The following LRRC37A3 variants were observed in gnomAD, a reference collection of about 807,000 sequenced individuals.
The protein encoded by LRRC37A3 is leucine-rich repeat-containing protein 37A3.
A neutral mutation model predicts 106.2 loss-of-function variants in LRRC37A3; 25 were observed. That is an observed-to-expected ratio of 0.24 (90% confidence interval 0.17 to 0.33). The LOEUF (loss-of-function observed/expected upper bound fraction) is 0.33. Ranked by LOEUF, LRRC37A3 falls within the 10% of genes least tolerant of loss-of-function variation. LRRC37A3 has a pLI of 1.00. For missense variants in LRRC37A3, 712 were observed against 1,644.9 expected, an observed-to-expected ratio of 0.43 and a Z score of 9.81; for synonymous variants, 305 against 635.8, an observed-to-expected ratio of 0.48 and a Z score of 7.83.
Position 64,858,725 on chromosome 17 carries a change from T to A in LRRC37A3, c.4809+54A>T, listed in dbSNP as rs1972764341. ...TGGTTTTCAGTTTGTGAGCTCTGAA[T>A]CCACACAAAGACAGGACTGCATTCT... On this transcript the variant is annotated intron_variant, in intron 13 of 14. Transcript: ENST00000584306. The A allele has an allele frequency of 2.2e-6, 3 of 1,363,234 alleles. No homozygotes were observed. The African/African-American group carries it at 4.3e-5, about 20-fold the overall frequency. 84.4% of individuals were successfully genotyped at this position (1,363,234 alleles called of 1,614,324 possible). A position where few individuals can be genotyped will look rare whatever the true frequency, so the allele number is the denominator to read the frequency against.
intron 2 of LRRC37A3, 52 bp from the exon 3 acceptor site, chr17:64,898,511 G>A: frequency 1.1e-6 from 1 of 946,412 alleles, no homozygotes; most frequent in Non-Finnish European, 1.3e-6. Context: ...AAAATAAAAT[G>A]GAAGAGATTC....
At chr17:64,890,225 A>G (rs1379696065) in intron 5 of LRRC37A3, among the ~76,000 whole-genome samples, 2 of 140,354 alleles carry the variant, frequency 1.4e-5, no homozygotes, top group Non-Finnish European at 2.9e-5. Flanking sequence ...CATAACATAA[A>G]TGTTGTTTAT....
chr17:64,884,241 T>C (rs1171747603), intron 8 of LRRC37A3, among the ~76,000 whole-genome samples: 2 of 146,136 alleles, frequency 1.4e-5, no homozygotes, highest in Non-Finnish European at 3.0e-5. Flanking sequence ...CATGACACTC[T>C]GAATGTTTTT....
intron 8 of LRRC37A3, among the ~76,000 whole-genome samples, chr17:64,876,724 T>C (rs1297664709): frequency 1.3e-5 from 2 of 151,894 alleles, no homozygotes; most frequent in Non-Finnish European, 2.9e-5. Flanking sequence ...GAGATTGAGG[T>C]AGTAATCAAA....
Position 64,862,997 on chromosome 17 carries a change from G to C in LRRC37A3, c.3075C>G (p.Ala1025=). 6.3e-7 allele frequency: 1 copy of C among 1,598,042 alleles called. No homozygotes were observed. The highest frequency in any genetic ancestry group is 8.5e-7 in the Non-Finnish European group (1 of 1,179,776). ...TGTTTTTAAATTGGCAGAGGCAGCA[G>C]GCCATATGGCTAGGTACGATCCTAT... The part of the protein sequence containing the change: ...LEKLIVPSHM[A]CCLCQFKNSI... Residue 1025 remains alanine (A), a synonymous_variant, in exon 11 of 15, where the codon GCC becomes GCG. Transcript: ENST00000584306.
Position 64,860,851 on chromosome 17 carries a change from T to A in LRRC37A3, c.3295A>T (p.Asn1099Tyr). Residue 1099 changes from asparagine (N) to tyrosine (Y), a missense_variant, in exon 12 of 15, where the codon AAC (asparagine) becomes TAC (tyrosine). By Grantham distance (143) the Asn-to-Tyr change is moderately radical. Transcript: ENST00000584306. ...TGCTCACTCCCAAAGCCTGACAAGTTGATGCCACTGCTGTCTGAGGGCTCC... is the reference window on the plus strand; with the variant it reads ...TGCTCACTCCCAAAGCCTGACAAGTAGATGCCACTGCTGTCTGAGGGCTCC... ...PEEPSDSSGI[N>Y]LSGFGSEQLD... 6.2e-7 allele frequency: 1 copy of A among 1,614,218 alleles called. No individual in the cohort carries two copies. Among genetic ancestry groups the A allele is most frequent in the African/African-American group, 1.3e-5 (1 of 75,072 alleles).
chr17:64,910,113 A>G (rs1974554365), intron 2 of LRRC37A3: 2 of 152,306 alleles, frequency 1.3e-5, no homozygotes, highest in African/African-American at 4.8e-5. Flanking sequence ...TAGTTTTTAA[A>G]TCTGCATTGT....
chr17:64,860,407 C>A lies in LRRC37A3; in HGVS notation c.3739G>T (p.Val1247Leu), dbSNP rs371642911. The change falls in exon 12 of 15, where the codon GTG (valine) becomes TTG (leucine). Residue 1247 changes from valine to leucine, a missense_variant. Physicochemically the swap from Val to Leu is conservative, Grantham distance 32. Transcript: ENST00000584306. ...GCGCCCTTGGAGAAGGGTTTCAGCA[C>A]AGAGACTGCTGCCTTATGCTCTTGG... Reference protein sequence around the residue: ...FTQEHKAAVSVLKPFSKGAPS... With the variant: ...FTQEHKAAVSLLKPFSKGAPS... 6.2e-7 allele frequency: 1 copy of A among 1,613,828 alleles called. No individual in the cohort carries two copies. Among genetic ancestry groups the A allele is most frequent in the Non-Finnish European group, 8.5e-7 (1 of 1,179,876 alleles).
At position 64,859,549 on chromosome 17, in the gene LRRC37A3, C is replaced by T. The variant is rs772960790; in HGVS notation, c.4597G>A (p.Glu1533Lys). 1.2e-5 allele frequency: 19 copies of T among 1,611,952 alleles called. No individual in the cohort carries two copies. Among genetic ancestry groups the T allele is most frequent in the Non-Finnish European group, 1.5e-5 (18 of 1,179,758 alleles). Residue 1533 changes from glutamate (E) to lysine (K), a missense_variant, in exon 12 of 15, where the codon GAA becomes AAA. Coordinates refer to ENST00000584306, the MANE Select transcript of LRRC37A3 (RefSeq NM_199340.5). ...HLMKLLSGQQ[E>K]VKASKIEWDT... ...CATTCTATCTTGGATGCCTTTACTT[C>T]CTGCTGCCCACTGAGAAGCTTCATC...
intron 2 of LRRC37A3, among the ~76,000 whole-genome samples, 178 bp downstream of exon 2, chr17:64,918,572 A>G (rs1212394176): frequency 6.6e-6 from 1 of 152,270 alleles, no homozygotes; most frequent in Non-Finnish European, 1.5e-5. Context: ...AAAAAAGAAT[A>G]GGTGGCTGAA....
chr17:64,909,437 T>A (rs904668216), intron 2 of LRRC37A3, among the ~76,000 whole-genome samples: 2 of 152,208 alleles, frequency 1.3e-5, no homozygotes, highest in Admixed American at 1.3e-4. Flanking sequence ...AAAAGCTGCC[T>A]TGAAACAGTC....
Position 64,884,451 on chromosome 17 carries a change from C to G in LRRC37A3, c.2906+1635G>C, listed in dbSNP as rs1049520402. On this transcript the variant is annotated intron_variant, in intron 8 of 14. Transcript: ENST00000584306. The stretch of plus-strand genomic sequence containing the variant: ...TGCCATCTCGGCTCACTGCAACCTC[C>G]GTCTCCTGGTTTCAAGTGATTCTCC... Among the ~76,000 whole-genome samples, 5 of 151,548 alleles carry G rather than the reference C, an allele frequency of 3.3e-5. No homozygotes were observed. In the East Asian group the frequency reaches 9.7e-4, roughly 29 times the overall value.
chr17:64,893,938 C>G (rs897893210), intron 4 of LRRC37A3, among the ~76,000 whole-genome samples: 1 of 148,448 alleles, frequency 6.7e-6, no homozygotes, highest in Non-Finnish European at 1.5e-5. Context: ...AGGCGTGAGC[C>G]ACCACACCCA....
chr17:64,880,641 A>C (rs1567774247), intron 8 of LRRC37A3, among the ~76,000 whole-genome samples: 1 of 152,206 alleles, frequency 6.6e-6, no homozygotes, highest in African/African-American at 2.4e-5. Flanking sequence ...GTACTGCTCT[A>C]AATAATTTTA....
intron 8 of LRRC37A3, among the ~76,000 whole-genome samples, chr17:64,870,474 G>A (rs1395812351): frequency 6.6e-6 from 1 of 151,950 alleles, no homozygotes; most frequent in East Asian, 1.9e-4. Context: ...TCTACCTTTA[G>A]GTTAACCCAA....
intron 13 of LRRC37A3, among the ~76,000 whole-genome samples, chr17:64,857,159 C>T (rs951948593): frequency 1.3e-5 from 2 of 152,230 alleles, no homozygotes; most frequent in African/African-American, 4.8e-5. Context: ...GGATTCAATA[C>T]AGTGGCTATC....
chr17:64,893,750 C>G lies in LRRC37A3; in HGVS notation c.2609+899G>C, dbSNP rs1442561658. Among the ~76,000 whole-genome samples, 3 of 139,714 alleles carry G rather than the reference C, an allele frequency of 2.1e-5. No homozygotes were observed. The East Asian group carries it at 6.0e-4, about 28-fold the overall frequency. 91.7% of individuals were successfully genotyped at this position (139,714 alleles called of 152,430 possible). A position where few individuals can be genotyped will look rare whatever the true frequency, so the allele number is the denominator to read the frequency against. On this transcript the variant is annotated intron_variant, in intron 4 of 14. Transcript: ENST00000584306. Reference sequence around the variant, plus strand: ...CTGCAAGCTCTGCCTCCCAGGTTCACGCCATTCTCCTGCCTCAGCCTCCCA... The same window carrying G: ...CTGCAAGCTCTGCCTCCCAGGTTCAGGCCATTCTCCTGCCTCAGCCTCCCA...
At chr17:64,873,151 T>C (rs976975728) in intron 8 of LRRC37A3, among the ~76,000 whole-genome samples, 4 of 150,148 alleles carry the variant, frequency 2.7e-5, no homozygotes, top group African/African-American at 9.9e-5. Context: ...CACCAAACCC[T>C]GGCAGCATGG....
intron 2 of LRRC37A3, among the ~76,000 whole-genome samples, chr17:64,917,006 G>C (rs1365196855): frequency 6.6e-6 from 1 of 151,600 alleles, no homozygotes; most frequent in Non-Finnish European, 1.5e-5. Context: ...AGCACTTTGG[G>C]AGGCCGAGGC....
Sources: gnomAD v4.1 joint callset for allele counts (sites outside exome capture counted in the v4.1 genomes callset) on GRCh38, gnomAD v4.1.1 for gene constraint, MANE v1.5 for transcripts, NCBI Gene and HGNC (gene_info 2026-07-23, HGNC 2026-07-21) for gene names.